EIPR1: variants seen among roughly 807,000 people sequenced by gnomAD.
EIPR1 encodes the protein EARP and GARP complex-interacting protein 1.
Under a neutral mutation model 48.1 loss-of-function variants are expected in EIPR1, and 25 were observed. The ratio of observed to expected loss-of-function variants is 0.52; its 90% CI spans 0.38 to 0.73. The LOEUF (loss-of-function observed/expected upper bound fraction) is 0.73, where lower values mean the gene tolerates loss of function less well. EIPR1 is among the 30% of genes least tolerant of loss of function. EIPR1 has a pLI of 0.00. For missense variants in EIPR1, 415 were observed against 506.2 expected, an observed-to-expected ratio of 0.82 and a Z score of 1.73; for synonymous variants, 204 against 201.9, an observed-to-expected ratio of 1.01 and a Z score of -0.09.
At chr2:3,195,706 C>A (rs903126020) in intron 6 of EIPR1, among the ~76,000 whole-genome samples, 1 of 152,134 alleles carries the variant, frequency 6.6e-6, no homozygotes, top group Non-Finnish European at 1.5e-5. Context: ...AACTGTCACA[C>A]AAAAGCATCA....
chr2:3,264,350 C>G (rs1003003623), intron 3 of EIPR1, among the ~76,000 whole-genome samples: 6 of 152,172 alleles, frequency 3.9e-5, no homozygotes, highest in Non-Finnish European at 8.8e-5. Flanking sequence ...CCATTTGTAC[C>G]ATGTTTCTTT....
chr2:3,264,461 T>G (rs10168009), intron 3 of EIPR1, among the ~76,000 whole-genome samples: 6,177 of 152,280 alleles, frequency 0.041, 143 homozygotes, highest in South Asian at 0.074. Flanking sequence ...CCAGAAGAAC[T>G]GGATAAAGAC....
intron 5 of EIPR1, among the ~76,000 whole-genome samples, chr2:3,198,836 C>A (rs187275316): frequency 4.3e-4 from 65 of 152,158 alleles, no homozygotes; most frequent in African/African-American, 1.4e-3. Flanking sequence ...AAGGTCAGGG[C>A]GAAACTACAA....
chr2:3,240,207 T>C (rs79916655), intron 4 of EIPR1, among the ~76,000 whole-genome samples: 2 of 9,710 alleles, frequency 2.1e-4, no homozygotes, highest in Non-Finnish European at 5.4e-4. Context: ...GCCAGCAGAC[T>C]CTTCCTAAAG....
intron 2 of EIPR1, among the ~76,000 whole-genome samples, chr2:3,343,116 G>A (rs185877948): frequency 7.6e-4 from 115 of 152,256 alleles, no homozygotes; most frequent in Non-Finnish European, 1.3e-3. Flanking sequence ...AGTTAGACAC[G>A]GCACAGCCAG....
intron 3 of EIPR1, among the ~76,000 whole-genome samples, chr2:3,281,956 A>G (rs891234772): frequency 1.3e-5 from 2 of 152,224 alleles, no homozygotes; most frequent in African/African-American, 4.8e-5. Context: ...CATGAATGGA[A>G]CTGAGTGTTA....
chr2:3,251,828 A>G (rs1667007697), intron 4 of EIPR1, among the ~76,000 whole-genome samples: 1 of 152,234 alleles, frequency 6.6e-6, no homozygotes, highest in Admixed American at 6.5e-5. Context: ...GAACAGAGAC[A>G]ATTTCATAAT....
chr2:3,244,701 G>A (rs1021355172), intron 4 of EIPR1, among the ~76,000 whole-genome samples: 7 of 152,290 alleles, frequency 4.6e-5, no homozygotes, highest in African/African-American at 7.2e-5. Flanking sequence ...CTTAGCCAGC[G>A]CCTTGATCGT....
intron 4 of EIPR1, among the ~76,000 whole-genome samples, chr2:3,250,944 T>C (rs1027326437): frequency 8.5e-5 from 13 of 152,082 alleles, no homozygotes; most frequent in East Asian, 1.9e-4. Context: ...TAAACCTCTT[T>C]TTTTTTTTAA....
intron 3 of EIPR1, among the ~76,000 whole-genome samples, chr2:3,303,780 T>C (rs1041753602): frequency 6.6e-6 from 1 of 152,096 alleles, no homozygotes; most frequent in Admixed American, 6.5e-5. Flanking sequence ...CCGGGAAGCT[T>C]CGCCCTCTGC....
At chr2:3,368,570 G>C (rs1468124955) in intron 1 of EIPR1, among the ~76,000 whole-genome samples, 1 of 152,166 alleles carries the variant, frequency 6.6e-6, no homozygotes, top group Non-Finnish European at 1.5e-5. Flanking sequence ...CCATCACAAG[G>C]CAAGTTTGCC....
intron 1 of EIPR1, among the ~76,000 whole-genome samples, chr2:3,366,213 C>T (rs548413203): frequency 6.6e-6 from 1 of 152,288 alleles, no homozygotes; most frequent in Non-Finnish European, 1.5e-5. Flanking sequence ...GAGGCTGAAG[C>T]AGGAGAATCG....
intron 3 of EIPR1, among the ~76,000 whole-genome samples, chr2:3,303,106 T>C (rs555518501): frequency 6.6e-6 from 1 of 152,354 alleles, no homozygotes; most frequent in East Asian, 1.9e-4. Flanking sequence ...TGTCCACCTA[T>C]GTAACCATCC....
chr2:3,222,337 T>G (rs1263473618), intron 4 of EIPR1, among the ~76,000 whole-genome samples: 3 of 152,268 alleles, frequency 2.0e-5, no homozygotes, highest in Non-Finnish European at 4.4e-5. Flanking sequence ...ATATCTGCCT[T>G]GGCGTGGGCC....
intron 3 of EIPR1, among the ~76,000 whole-genome samples, chr2:3,329,104 A>G (rs1669800775): frequency 1.6e-5 from 2 of 124,434 alleles, no homozygotes; most frequent in East Asian, 2.7e-4. Context: ...GAGCCCACCC[A>G]CCACGCTCTA....
intron 4 of EIPR1, among the ~76,000 whole-genome samples, chr2:3,252,698 G>A (rs1430089555): frequency 6.6e-6 from 1 of 152,206 alleles, no homozygotes; most frequent in Non-Finnish European, 1.5e-5. Context: ...GGCTGAGACA[G>A]GAGCGTCTAA....
intron 3 of EIPR1, among the ~76,000 whole-genome samples, chr2:3,307,908 A>G (rs1375392824): frequency 3.9e-5 from 6 of 152,228 alleles, no homozygotes; most frequent in Admixed American, 3.9e-4. Flanking sequence ...CTATTTGATC[A>G]TGACCCATTG....
intron 4 of EIPR1, among the ~76,000 whole-genome samples, chr2:3,228,963 C>T (rs954846076): frequency 6.6e-6 from 1 of 152,172 alleles, no homozygotes; most frequent in African/African-American, 2.4e-5. Context: ...TCTTTATTAG[C>T]AGCATGAGAA....
intron 4 of EIPR1, among the ~76,000 whole-genome samples, chr2:3,226,243 A>G (rs1053811445): frequency 7.9e-5 from 12 of 152,240 alleles, no homozygotes; most frequent in African/African-American, 2.7e-4. Flanking sequence ...CACCTTGAAT[A>G]TATAAAAGTG....
Sources: gnomAD v4.1 joint callset for allele counts (sites outside exome capture counted in the v4.1 genomes callset) on GRCh38, gnomAD v4.1.1 for gene constraint, MANE v1.5 for transcripts, NCBI Gene and HGNC (gene_info 2026-07-23, HGNC 2026-07-21) for gene names.